Variants in TMEM177 observed in about 807,000 individuals in gnomAD.
TMEM177 encodes transmembrane protein 177.
A neutral mutation model predicts 14.2 loss-of-function variants in TMEM177; 4 were observed. The ratio of observed to expected loss-of-function variants is 0.28; its 90% CI spans 0.14 to 0.64. TMEM177 has a LOEUF of 0.64. TMEM177 is among the 30% of genes least tolerant of loss of function. The pLI is 0.82. For synonymous variants in TMEM177, 179 were observed against 174.5 expected (o/e 1.03, Z -0.20); for missense variants, 344 against 405.2 (o/e 0.85, Z 1.30).
the TMEM177 span, among the ~76,000 whole-genome samples, chr2:119,717,005 C>G: frequency 6.6e-6 from 1 of 152,308 alleles, no homozygotes. Flanking sequence ...CTCTCTCCCC[C>G]CACCCCTTTT....
intron 1 of TMEM177, 165 bp downstream of exon 1, chr2:119,679,441 T>G (rs996908745): frequency 6.6e-6 from 1 of 152,158 alleles, no homozygotes; most frequent in Non-Finnish European, 1.5e-5. Context: ...GACGTTGGAC[T>G]TTGGTCCAGA....
At chr2:119,684,354 G>A (rs575824314), downstream of TMEM177, among the ~76,000 whole-genome samples, 1 of 152,254 alleles carries the variant, frequency 6.6e-6, no homozygotes, top group East Asian at 1.9e-4. Flanking sequence ...AAGCCTCCCT[G>A]TCTCACGTCA....
At chr2:119,704,578 T>G in the TMEM177 span, among the ~76,000 whole-genome samples, 1 of 151,076 alleles carries the variant, frequency 6.6e-6, no homozygotes, top group Non-Finnish European at 1.5e-5. Flanking sequence ...AGACTCCGTC[T>G]CAAAAAAAAA....
chr2:119,688,833 A>G (rs1689055185), downstream of TMEM177, among the ~76,000 whole-genome samples: 1 of 152,202 alleles, frequency 6.6e-6, no homozygotes, highest in Non-Finnish European at 1.5e-5. Context: ...TGTGCCACTC[A>G]GACCTGCTGC....
downstream of TMEM177, chr2:119,685,748 G>A (rs1011535895): frequency 3.3e-5 from 24 of 717,756 alleles, no homozygotes; most frequent in Middle Eastern, 2.3e-4. Context: ...TGGCAGTCTG[G>A]TTCCAGGTAT....
chr2:119,709,119 C>T, the TMEM177 span, among the ~76,000 whole-genome samples: 6 of 152,214 alleles, frequency 3.9e-5, no homozygotes, highest in Non-Finnish European at 5.9e-5. Flanking sequence ...GAACAGGCAT[C>T]CACTTTGGGT....
chr2:119,722,204 AC>A, the TMEM177 span, among the ~76,000 whole-genome samples: 1 of 152,026 alleles, frequency 6.6e-6, no homozygotes, highest in Non-Finnish European at 1.5e-5. Flanking sequence ...ACATAGCAAG[AC>A]CCCATTTCTA....
chr2:119,716,146 G>A, the TMEM177 span, among the ~76,000 whole-genome samples: 1 of 152,218 alleles, frequency 6.6e-6, no homozygotes, highest in Non-Finnish European at 1.5e-5. Flanking sequence ...AAGGAAGACA[G>A]GTCCTGCGAC....
At chr2:119,691,080 A>G (rs971535601), downstream of TMEM177, among the ~76,000 whole-genome samples, 1 of 152,300 alleles carries the variant, frequency 6.6e-6, no homozygotes, top group Middle Eastern at 3.4e-3. Context: ...TGAGGCAGGA[A>G]GGATCTGGAA....
chr2:119,701,717 G>A, the TMEM177 span, among the ~76,000 whole-genome samples: 1 of 152,204 alleles, frequency 6.6e-6, no homozygotes, highest in Non-Finnish European at 1.5e-5. Flanking sequence ...CCAGCTGGGC[G>A]GGAGACCGGG....
chr2:119,688,427 T>C (rs911533806), downstream of TMEM177, among the ~76,000 whole-genome samples: 3 of 152,158 alleles, frequency 2.0e-5, no homozygotes, highest in Admixed American at 6.5e-5. Context: ...CATCATAGTG[T>C]ACTTACACAA....
the TMEM177 span, among the ~76,000 whole-genome samples, chr2:119,721,342 C>A: frequency 5.9e-5 from 9 of 152,222 alleles, no homozygotes; most frequent in African/African-American, 2.2e-4. Flanking sequence ...CACACTGATG[C>A]ACTGGGAGAG....
At chr2:119,711,773 A>G in the TMEM177 span, among the ~76,000 whole-genome samples, 1 of 152,162 alleles carries the variant, frequency 6.6e-6, no homozygotes, top group South Asian at 2.1e-4. Context: ...TAGTTACCTG[A>G]TGACTCCATG....
the TMEM177 span, among the ~76,000 whole-genome samples, chr2:119,704,891 T>A: frequency 6.6e-6 from 1 of 152,200 alleles, no homozygotes; most frequent in African/African-American, 2.4e-5. Flanking sequence ...ATGGAAAGCA[T>A]CTGGTTCTGT....
At chr2:119,701,192 G>C in the TMEM177 span, among the ~76,000 whole-genome samples, 1 of 152,180 alleles carries the variant, frequency 6.6e-6, no homozygotes, top group Non-Finnish European at 1.5e-5. Context: ...AGAGGTATGA[G>C]AGCAGAAAGC....
At chr2:119,701,570 C>T in the TMEM177 span, among the ~76,000 whole-genome samples, 1 of 152,144 alleles carries the variant, frequency 6.6e-6, no homozygotes, top group Non-Finnish European at 1.5e-5. Context: ...GGTGTCCCAG[C>T]GCAGTGACAA....
the TMEM177 span, among the ~76,000 whole-genome samples, chr2:119,717,216 CT>C: frequency 3.3e-5 from 5 of 152,002 alleles, no homozygotes; most frequent in Non-Finnish European, 7.4e-5. Flanking sequence ...TGCAGGGCCC[CT>C]TGTGTAAACT....
the TMEM177 span, among the ~76,000 whole-genome samples, chr2:119,699,405 T>C: frequency 1.3e-5 from 2 of 152,066 alleles, no homozygotes; most frequent in South Asian, 2.1e-4. Context: ...GGCAGGACTT[T>C]TCCTTAGTTC....
the TMEM177 span, among the ~76,000 whole-genome samples, chr2:119,713,719 A>G: frequency 2.0e-5 from 3 of 152,182 alleles, no homozygotes; most frequent in African/African-American, 7.2e-5. Context: ...TTGTAGTCCC[A>G]GCTACTTGAA....
Sources: allele counts gnomAD v4.1 joint callset (sites outside exome capture counted in the v4.1 genomes callset), GRCh38; gene constraint gnomAD v4.1.1; transcripts MANE v1.5; gene names NCBI Gene and HGNC (gene_info 2026-07-23, HGNC 2026-07-21).